The following KLHL13 variants were observed in gnomAD, a reference collection of about 807,000 sequenced individuals.
KLHL13 encodes the protein kelch-like protein 13.
KLHL13 carries 10 observed loss-of-function variants against 37.1 expected under a neutral mutation model. The observed-to-expected ratio is 0.27, with a 90% CI of 0.17 to 0.46. KLHL13 has a LOEUF of 0.46. Ranked by LOEUF, KLHL13 falls within the 20% of genes least tolerant of loss-of-function variation. The pLI is 1.00. For missense variants in KLHL13, 360 were observed against 509.3 expected, an observed-to-expected ratio of 0.71 and a Z score of 2.82; for synonymous variants, 163 against 181.2, an observed-to-expected ratio of 0.90 and a Z score of 0.81.
chrX:118,116,323 G>A (rs948032035), intron 1 of KLHL13, among the ~76,000 whole-genome samples, 185 bp downstream of exon 1: 1 of 112,472 alleles, frequency 8.9e-6, no homozygotes, highest in Non-Finnish European at 1.9e-5. Flanking sequence ...GTGTAAGGAT[G>A]AGGGCGCGCA....
rs59665351 is a variant in KLHL13 at position 117,957,711 on chromosome X, T to C, written c.99-12136A>G. Among the ~76,000 whole-genome samples, 888 of 111,855 alleles carry C rather than the reference T, an allele frequency of 7.9e-3. 7 individuals carry two copies. Among genetic ancestry groups the C allele is most frequent in the African/African-American group, 0.028 (855 of 30,933 alleles). ...TACTTTTTTGAGTGTTAATTTTTAA[T>C]TTATTTCTCCTAAACCCTAGTCAGG... On this transcript the variant is annotated intron_variant, in intron 1 of 6. Transcript: ENST00000262820.
chrX:117,972,562 CAA>C (rs1477650938), intron 1 of KLHL13, among the ~76,000 whole-genome samples: 4 of 112,874 alleles, frequency 3.5e-5, no homozygotes, highest in Admixed American at 1.9e-4. Context: ...AAAAACAAAA[CAA>C]TGATGAAGTG....
intron 1 of KLHL13, among the ~76,000 whole-genome samples, chrX:118,103,125 C>T (rs1338168450): frequency 1.8e-5 from 2 of 111,731 alleles, no homozygotes; most frequent in Non-Finnish European, 1.9e-5. Flanking sequence ...ATTTCTAAAT[C>T]GAGCATGCTT....
chrX:117,995,087 A>C (rs2053839426), intron 1 of KLHL13, among the ~76,000 whole-genome samples: 1 of 111,801 alleles, frequency 8.9e-6, no homozygotes, highest in African/African-American at 3.3e-5. Context: ...AATAAAAATT[A>C]AAGTTAGTTG....
intron 5 of KLHL13, among the ~76,000 whole-genome samples, chrX:117,908,598 T>C (rs1383955561): frequency 8.9e-6 from 1 of 111,984 alleles, no homozygotes; most frequent in African/African-American, 3.2e-5. Flanking sequence ...AATAAAATTT[T>C]ACCTTTTTGG....
upstream of KLHL13, among the ~76,000 whole-genome samples, chrX:117,977,512 C>T (rs2053609150): frequency 1.8e-5 from 2 of 111,390 alleles, no homozygotes; most frequent in Admixed American, 1.9e-4. Context: ...TCCTGATGTC[C>T]CCTAAGAAAT....
intron 4 of KLHL13, among the ~76,000 whole-genome samples, chrX:117,917,100 A>G (rs1025129532): frequency 6.3e-5 from 7 of 111,605 alleles, no homozygotes; most frequent in Non-Finnish European, 1.3e-4. Flanking sequence ...AGAATGCATG[A>G]AAGAAGGGTA....
chrX:117,949,543 G>A (rs2147815357), intron 1 of KLHL13, among the ~76,000 whole-genome samples: 1 of 111,390 alleles, frequency 9.0e-6, no homozygotes, highest in Non-Finnish European at 1.9e-5. Context: ...ATATGAGGAA[G>A]GAAAAAGCAT....
intron 1 of KLHL13, among the ~76,000 whole-genome samples, chrX:118,071,931 T>A (rs1290113994): frequency 5.5e-5 from 6 of 108,879 alleles, no homozygotes; most frequent in Admixed American, 9.8e-5. Flanking sequence ...TTTAATGCCA[T>A]CCCCATCAAG....
chrX:118,052,521 CA>C (rs34474188), intron 1 of KLHL13, among the ~76,000 whole-genome samples: 1,114 of 65,214 alleles, frequency 0.017, 20 homozygotes, highest in African/African-American at 0.053. Flanking sequence ...GACTCCGTCT[CA>C]AAAAAAAAAA....
intron 1 of KLHL13, among the ~76,000 whole-genome samples, chrX:118,095,843 T>G (rs1017281633): frequency 4.5e-5 from 5 of 111,592 alleles, no homozygotes; most frequent in Admixed American, 1.9e-4. Flanking sequence ...TTGAAACCAA[T>G]GAGAACAAAG....
intron 2 of KLHL13, among the ~76,000 whole-genome samples, chrX:117,927,754 T>A (rs1932161085): frequency 8.9e-6 from 1 of 112,080 alleles, no homozygotes; most frequent in Non-Finnish European, 1.9e-5. Flanking sequence ...TATAATGTCA[T>A]TTATGTAACA....
intron 1 of KLHL13, among the ~76,000 whole-genome samples, chrX:117,982,797 C>T (rs2053677625): frequency 9.0e-6 from 1 of 111,721 alleles, no homozygotes; most frequent in African/African-American, 3.3e-5. Flanking sequence ...TATCTCTTAG[C>T]TATAGTAAGA....
At chrX:118,099,488 G>A (rs1290851716) in intron 1 of KLHL13, among the ~76,000 whole-genome samples, 1 of 111,479 alleles carries the variant, frequency 9.0e-6, no homozygotes, top group African/African-American at 3.3e-5. Context: ...AAAGCCATGA[G>A]TTAAGTCCAA....
intron 2 of KLHL13, among the ~76,000 whole-genome samples, chrX:117,933,589 G>C (rs1320945485): frequency 1.8e-5 from 2 of 111,563 alleles, no homozygotes; most frequent in African/African-American, 6.5e-5. Context: ...CATGAAATTA[G>C]GCTGGGCAAG....
chrX:118,053,374 G>A (rs746863983), intron 1 of KLHL13, among the ~76,000 whole-genome samples: 1 of 111,567 alleles, frequency 9.0e-6, no homozygotes, highest in South Asian at 3.8e-4. Flanking sequence ...ATCATTCTCA[G>A]CAAACTATTG....
intron 1 of KLHL13, among the ~76,000 whole-genome samples, chrX:118,078,683 T>A (rs1274136719): frequency 8.9e-6 from 1 of 111,895 alleles, no homozygotes; most frequent in Non-Finnish European, 1.9e-5. Context: ...ACTCAGGCTG[T>A]TTTCAGTTTA....
chrX:117,996,977 C>T (rs2053861937), intron 1 of KLHL13, among the ~76,000 whole-genome samples: 1 of 111,315 alleles, frequency 9.0e-6, no homozygotes, highest in Admixed American at 9.6e-5. Flanking sequence ...AATCTGAAGA[C>T]TCATCCATCT....
chrX:117,944,319 C>T (rs1341354936), intron 2 of KLHL13, among the ~76,000 whole-genome samples: 1 of 111,185 alleles, frequency 9.0e-6, no homozygotes, highest in Non-Finnish European at 1.9e-5. Flanking sequence ...ATTGATGACC[C>T]ACAGGACAAT....
Sources: gnomAD v4.1 joint callset for allele counts (sites outside exome capture counted in the v4.1 genomes callset) on GRCh38, gnomAD v4.1.1 for gene constraint, MANE v1.5 for transcripts, NCBI Gene and HGNC (gene_info 2026-07-23, HGNC 2026-07-21) for gene names.